SLC25A48: variants seen among roughly 807,000 people sequenced by gnomAD.
SLC25A48 encodes solute carrier family 25 member 48.
Under a neutral mutation model 32.2 loss-of-function variants are expected in SLC25A48, and 29 were observed. That is an observed-to-expected ratio of 0.90 (90% CI 0.67 to 1.23). The LOEUF (loss-of-function observed/expected upper bound fraction) is 1.23. Ranked by LOEUF, SLC25A48 falls within the 50% of genes most tolerant of loss-of-function variation. The pLI is 0.00. For synonymous variants in SLC25A48, 164 were observed against 172.3 expected, an observed-to-expected ratio of 0.95 and a Z score of 0.38; for missense variants, 399 against 422.7, an observed-to-expected ratio of 0.94 and a Z score of 0.49.
chr5:135,759,225 GTA>G (rs757790485), intron 3 of SLC25A48, among the ~76,000 whole-genome samples: 2 of 151,880 alleles, frequency 1.3e-5, no homozygotes, highest in African/African-American at 4.8e-5. Context: ...ATCTGTGTGT[GTA>G]TATATATATG....
intron 3 of SLC25A48, among the ~76,000 whole-genome samples, chr5:135,728,117 AT>A (rs1394944456): frequency 6.6e-6 from 1 of 151,980 alleles, no homozygotes; most frequent in Non-Finnish European, 1.5e-5. Flanking sequence ...TTAGCTGGGC[AT>A]GGTGGTGGGC....
chr5:135,887,988 T>C, intron 7 of SLC25A48, 44 bp from the exon 8 acceptor site: 1 of 1,541,364 alleles, frequency 6.5e-7, no homozygotes, highest in Non-Finnish European at 8.8e-7. Flanking sequence ...TTTCTGTTCT[T>C]TGCCTGCCTT....
chr5:135,796,868 A>G (rs1388551433), intron 3 of SLC25A48, among the ~76,000 whole-genome samples: 3 of 151,680 alleles, frequency 2.0e-5, no homozygotes, highest in Non-Finnish European at 4.4e-5. Flanking sequence ...CTAGGGAAGG[A>G]GAGGATGATA....
intron 3 of SLC25A48, among the ~76,000 whole-genome samples, chr5:135,808,305 T>C (rs1757511157): frequency 6.6e-6 from 1 of 151,264 alleles, no homozygotes; most frequent in African/African-American, 2.4e-5. Flanking sequence ...ATATTATCTA[T>C]ATATATGCTA....
At chr5:135,789,205 CG>C (rs199673001) in intron 3 of SLC25A48, among the ~76,000 whole-genome samples, 3,365 of 148,240 alleles carry the variant, frequency 0.023, 95 homozygotes, top group Non-Finnish European at 0.032. Flanking sequence ...CACCCTCCCC[CG>C]CCACGATATG....
At chr5:135,730,956 A>G (rs971770200) in intron 3 of SLC25A48, among the ~76,000 whole-genome samples, 17 of 152,166 alleles carry the variant, frequency 1.1e-4, no homozygotes, top group Non-Finnish European at 5.9e-5. Flanking sequence ...TCCGGCCCCA[A>G]CCAGGGCTCT....
At chr5:135,735,045 C>T (rs1755328209) in intron 3 of SLC25A48, among the ~76,000 whole-genome samples, 1 of 152,116 alleles carries the variant, frequency 6.6e-6, no homozygotes, top group Non-Finnish European at 1.5e-5. Context: ...AGTCCGATTT[C>T]CAGTGGGGTC....
intron 1 of SLC25A48, among the ~76,000 whole-genome samples, chr5:135,617,247 AGTT>A (rs1160866100): frequency 6.6e-6 from 1 of 152,008 alleles, no homozygotes; most frequent in African/African-American, 2.4e-5. Flanking sequence ...GTCAATATAT[AGTT>A]GTTCATAATA....
chr5:135,609,353 GC>G (rs1381460741), intron 1 of SLC25A48: 1 of 152,240 alleles, frequency 6.6e-6, no homozygotes, highest in Non-Finnish European at 1.5e-5. Flanking sequence ...CATAGCCTTG[GC>G]CCTCATGGAG....
chr5:135,849,808 CA>C (rs1204218368), intron 2 of SLC25A48, among the ~76,000 whole-genome samples: 14 of 152,298 alleles, frequency 9.2e-5, no homozygotes, highest in Non-Finnish European at 5.9e-5. Flanking sequence ...ACATGCAACT[CA>C]TGCAGGGCTC....
chr5:135,787,177 T>A (rs1047606252), intron 3 of SLC25A48, among the ~76,000 whole-genome samples: 4 of 152,032 alleles, frequency 2.6e-5, no homozygotes, highest in African/African-American at 9.7e-5. Context: ...TACAGAAGGA[T>A]GTTACTTCCA....
chr5:135,722,571 C>A (rs1754982044), intron 3 of SLC25A48, among the ~76,000 whole-genome samples: 1 of 152,180 alleles, frequency 6.6e-6, no homozygotes, highest in South Asian at 2.1e-4. Flanking sequence ...GATGTGTGGC[C>A]TTGAATCTTA....
intron 3 of SLC25A48, among the ~76,000 whole-genome samples, chr5:135,675,150 T>C (rs1173717090): frequency 1.3e-5 from 2 of 152,074 alleles, no homozygotes; most frequent in Non-Finnish European, 2.9e-5. Flanking sequence ...TCATTGTATG[T>C]CTTCTTTTGA....
intron 4 of SLC25A48, among the ~76,000 whole-genome samples, chr5:135,861,912 CA>C (rs148289656): frequency 0.032 from 4,929 of 152,340 alleles, 278 homozygotes; most frequent in African/African-American, 0.11. Context: ...GTTATGCCCC[CA>C]TGTAAATGCT....
intron 3 of SLC25A48, among the ~76,000 whole-genome samples, chr5:135,728,531 G>T (rs1170118345): frequency 6.6e-6 from 1 of 152,024 alleles, no homozygotes; most frequent in Non-Finnish European, 1.5e-5. Context: ...CCTCACTGTT[G>T]CATACTTAAG....
Position 135,788,045 on chromosome 5 carries a change from T to G in SLC25A48, c.-520-24478T>G, listed in dbSNP as rs143408526. Among the ~76,000 whole-genome samples the G allele has an allele frequency of 1.7e-3, 257 of 152,148 alleles. 1 individual carries two copies. The highest frequency in any genetic ancestry group is 6.0e-3 in the African/African-American group (249 of 41,478). ...TTATTTGTAATATCTTAGGGTGATA[T>G]TACTTATAATGTCACACCCCCGCTA... On this transcript the variant is annotated intron_variant, in intron 3 of 10. Coordinates refer to the SLC25A48 transcript ENST00000646290.
At chr5:135,582,548 A>G (rs900637858) in intron 1 of SLC25A48, among the ~76,000 whole-genome samples, 2 of 152,124 alleles carry the variant, frequency 1.3e-5, no homozygotes, top group African/African-American at 4.8e-5. Context: ...CTGGCCCTTC[A>G]TGGTCCCTGC....
chr5:135,874,039 C>G lies in SLC25A48; in HGVS notation c.698C>G (p.Thr233Arg), dbSNP rs1156307418. 2.0e-6 allele frequency: 3 copies of G among 1,532,400 alleles called. No individual in the cohort carries two copies. The highest frequency in any genetic ancestry group is 1.4e-5 in the African/African-American group (1 of 72,624). 94.9% of individuals were successfully genotyped at this position (1,532,400 alleles called of 1,614,324 possible). A position where few individuals can be genotyped will look rare whatever the true frequency, so the allele number is the denominator to read the frequency against. ...TTTGCAGGAGCAATTTCTTGGGGGA[C>G]AGCGACTCCTATGGATGTCGTGAAA... Reference protein sequence around the residue: ...GGMAGAISWGTATPMDVVKSR... With the variant: ...GGMAGAISWGRATPMDVVKSR... Residue 233 changes from threonine to arginine, a missense_variant, in exon 6 of 8, where the codon ACA becomes AGA. Coordinates refer to ENST00000681962, the MANE Select transcript of SLC25A48 (RefSeq NM_001349336.2).
At chr5:135,835,534 G>A (rs1387398511) in intron 1 of SLC25A48, among the ~76,000 whole-genome samples, 1 of 152,124 alleles carries the variant, frequency 6.6e-6, no homozygotes, top group African/African-American at 2.4e-5. Context: ...AGCTCCCGAA[G>A]CCACTCTTTT....
Sources: gnomAD v4.1 joint callset for allele counts (sites outside exome capture counted in the v4.1 genomes callset) on GRCh38, gnomAD v4.1.1 for gene constraint, MANE v1.5 for transcripts, NCBI Gene and HGNC (gene_info 2026-07-23, HGNC 2026-07-21) for gene names.